The following SELP variants were observed in gnomAD, a reference collection of about 807,000 sequenced individuals.
SELP encodes the protein P-selectin.
SELP carries 92 observed loss-of-function variants against 104.1 expected under a neutral mutation model. That is an observed-to-expected ratio of 0.88 (90% CI 0.75 to 1.05). The LOEUF (loss-of-function observed/expected upper bound fraction) is 1.05. Ranked by LOEUF, SELP falls within the 50% of genes least tolerant of loss-of-function variation. The pLI is 0.00. For missense variants in SELP, 1,022 were observed against 1,017.3 expected (o/e 1.00, Z -0.06); for synonymous variants, 397 against 364.5 (o/e 1.09, Z -1.01).
chr1:169,603,305 C>CTG (rs1484274963), intron 9 of SELP, 94 bp from the exon 10 acceptor site: 433 of 647,956 alleles, frequency 6.7e-4, no homozygotes, highest in African/African-American at 2.4e-3. Flanking sequence ...CCCTCTCTCT[C>CTG]TCTGTGTGTG....
intron 14 of SELP, chr1:169,591,660 CCA>C (rs1299406219): frequency 7.5e-6 from 3 of 401,566 alleles, no homozygotes; most frequent in Admixed American, 4.6e-5. Flanking sequence ...ATATTTAACT[CCA>C]GAGTCCTGTC....
In SELP at chr1:169,594,802, T is replaced by A; in HGVS notation, c.2177A>T (p.Tyr726Phe). ...ACAATGGAAAGAGCAGATTGATCCA[T>A]AACTGAAGTTTCCCCAGAGGTTGGA... ...NCSNLWGNFS[Y>F]GSICSFHCLE... The change falls in exon 13 of 17, where the codon TAT becomes TTT. Residue 726 changes from tyrosine to phenylalanine, a missense_variant. By Grantham distance (22) the Tyr-to-Phe change is conservative. Coordinates refer to ENST00000263686, the MANE Select transcript of SELP (RefSeq NM_003005.4). The A allele has an allele frequency of 6.2e-7, 1 of 1,613,874 alleles. No individual in the cohort carries two copies. The highest frequency in any genetic ancestry group is 8.5e-7 in the Non-Finnish European group (1 of 1,179,838).
rs751295369 is a variant in SELP at position 169,630,075 on chromosome 1, C to A, written c.-1G>T. On this transcript the variant is annotated 5_prime_UTR_variant, in exon 1 of 17. Transcript: ENST00000263686. ...ATGCAGAAAAAAATAAACTCACCATCTCCTCTGTGACTCTGCTGGTTTTCT... is the reference window on the plus strand; with the variant it reads ...ATGCAGAAAAAAATAAACTCACCATATCCTCTGTGACTCTGCTGGTTTTCT... The A allele has an allele frequency of 8.1e-6, 13 of 1,614,074 alleles. No homozygotes were observed. Among genetic ancestry groups the A allele is most frequent in the Non-Finnish European group, 9.3e-6 (11 of 1,180,026 alleles).
At chr1:169,617,918 A>C (rs1662905528) in intron 2 of SELP, among the ~76,000 whole-genome samples, 1 of 152,144 alleles carries the variant, frequency 6.6e-6, no homozygotes, top group African/African-American at 2.4e-5. Flanking sequence ...TTGAATTTGC[A>C]CATGCTCTCC....
chr1:169,597,343 G>A (rs1661681015), intron 10 of SELP, among the ~76,000 whole-genome samples, 167 bp from the exon 11 acceptor site: 1 of 152,184 alleles, frequency 6.6e-6, no homozygotes, highest in South Asian at 2.1e-4. Flanking sequence ...GTCATTTGCT[G>A]CAAAGGGCAG....
At chr1:169,606,211 G>C (rs1288168762) in intron 9 of SELP, among the ~76,000 whole-genome samples, 1 of 152,198 alleles carries the variant, frequency 6.6e-6, no homozygotes, top group East Asian at 1.9e-4. Flanking sequence ...CAGCTACTCG[G>C]GAAGCTGAGA....
intron 2 of SELP, among the ~76,000 whole-genome samples, chr1:169,618,378 T>C (rs1662929595): frequency 6.6e-6 from 1 of 150,702 alleles, no homozygotes; most frequent in African/African-American, 2.4e-5. Flanking sequence ...AGAACAGCCC[T>C]TTTTCACAAG....
intron 1 of SELP, among the ~76,000 whole-genome samples, chr1:169,621,422 G>T (rs1245340313): frequency 8.4e-6 from 1 of 118,930 alleles, no homozygotes; most frequent in Non-Finnish European, 1.8e-5. Context: ...ATGGGACAGT[G>T]TGAGGTTGTG....
chr1:169,603,065 G>T lies in SELP; in HGVS notation c.1666C>A (p.Arg556=). The T allele has an allele frequency of 6.2e-7, 1 of 1,613,882 alleles. No homozygotes were observed. Among genetic ancestry groups the T allele is most frequent in the Non-Finnish European group, 8.5e-7 (1 of 1,179,922 alleles). The part of the protein sequence containing the change: ...LSGPERLDCT[R]SGRWTDSPPM... Reference sequence around the variant, plus strand: ...GGGGAGTCTGTCCAGCGTCCCGATCGAGTACAATCCAATCTTTCTGGTCCA... The same window carrying T: ...GGGGAGTCTGTCCAGCGTCCCGATCTAGTACAATCCAATCTTTCTGGTCCA... Residue 556 remains arginine, a synonymous_variant, in exon 10 of 17, where the codon CGA becomes AGA. Transcript: ENST00000263686.
At chr1:169,615,770 T>A (rs1021688859) in intron 3 of SELP, among the ~76,000 whole-genome samples, 3 of 152,190 alleles carry the variant, frequency 2.0e-5, no homozygotes, top group Admixed American at 6.5e-5. Context: ...TGGATATGTT[T>A]TGCCTCAGCT....
intron 8 of SELP, among the ~76,000 whole-genome samples, chr1:169,608,342 C>T (rs2101896098): frequency 1.3e-5 from 2 of 152,196 alleles, no homozygotes; most frequent in Middle Eastern, 6.8e-3. Flanking sequence ...AACTCCGTAT[C>T]CATTAAACCA....
At chr1:169,599,872 C>A (rs1258421944) in intron 10 of SELP, among the ~76,000 whole-genome samples, 1 of 152,100 alleles carries the variant, frequency 6.6e-6, no homozygotes, top group Non-Finnish European at 1.5e-5. Context: ...GACTTGGAAC[C>A]AGGACCCCTC....
intron 2 of SELP, among the ~76,000 whole-genome samples, chr1:169,617,739 C>T (rs902002262): frequency 6.6e-6 from 1 of 152,168 alleles, no homozygotes; most frequent in Non-Finnish European, 1.5e-5. Context: ...AAGAAGGAGA[C>T]ATAAGTAATT....
rs111781408 is a variant in SELP, at chr1:169,606,809, C to T, written c.1519+140G>A. ...CATTTGGGATCCTTGGGTTATAGGA[C>T]AAGAGGATGAGTGAGAGTATTTATG... On this transcript the variant is annotated intron_variant, in intron 9 of 16. Coordinates refer to ENST00000263686, the MANE Select transcript of SELP (RefSeq NM_003005.4). The T allele has an allele frequency of 1.8e-4, 133 of 753,774 alleles. 1 individual carries two copies. In the African/African-American group the frequency reaches 1.8e-3, roughly 10 times the overall value. 46.7% of individuals were successfully genotyped at this position (753,774 alleles called of 1,614,324 possible).
intron 8 of SELP, 47 bp downstream of exon 8, chr1:169,609,457 T>C: frequency 6.4e-7 from 1 of 1,560,378 alleles, no homozygotes; most frequent in South Asian, 1.2e-5. Flanking sequence ...TGCTGATGCC[T>C]CTAACGAGCT....
intron 9 of SELP, among the ~76,000 whole-genome samples, chr1:169,606,248 C>T (rs980495509): frequency 7.2e-5 from 11 of 152,146 alleles, no homozygotes; most frequent in Non-Finnish European, 1.0e-4. Context: ...ACCCGGGAGG[C>T]GGAGGTTGCA....
intron 11 of SELP, 89 bp from the exon 12 acceptor site, chr1:169,596,223 A>G: frequency 8.4e-7 from 1 of 1,187,166 alleles, no homozygotes; most frequent in Non-Finnish European, 1.2e-6. Context: ...ACTGCTTTTC[A>G]CTCCCTTCAT....
At chr1:169,605,528 C>A (rs1264836450) in intron 9 of SELP, among the ~76,000 whole-genome samples, 2 of 151,274 alleles carry the variant, frequency 1.3e-5, no homozygotes, top group East Asian at 3.9e-4. Flanking sequence ...TTTTGTGTGA[C>A]CTGAATAGTG....
Position 169,591,413 on chromosome 1 carries a change from AT to A in SELP, c.2438+12del. On this transcript the variant is annotated intron_variant, in intron 15 of 16. Transcript: ENST00000263686. ...AGCAAAATTTACTCAATCATAAAAC[AT>A]TTCTACCTTACCTGTGAGGATTCAA... 1.3e-6 allele frequency: 2 copies of A among 1,573,486 alleles called. No individual in the cohort carries two copies. Among genetic ancestry groups the A allele is most frequent in the Non-Finnish European group, 1.7e-6 (2 of 1,155,508 alleles).
Sources: allele counts gnomAD v4.1 joint callset (sites outside exome capture counted in the v4.1 genomes callset), GRCh38; gene constraint gnomAD v4.1.1; transcripts MANE v1.5; gene names NCBI Gene and HGNC (gene_info 2026-07-23, HGNC 2026-07-21).